PRKN: variants seen among roughly 807,000 people sequenced by gnomAD.
The protein encoded by PRKN is parkin RBR E3 ubiquitin protein ligase, also known as E3 ubiquitin-protein ligase parkin.
A neutral mutation model predicts 59.5 loss-of-function variants in PRKN; 56 were observed. That is an observed-to-expected ratio of 0.94 (90% CI 0.76 to 1.18). The LOEUF (loss-of-function observed/expected upper bound fraction) is 1.18. Among genes scored for constraint, PRKN ranks in the 50% most tolerant of loss-of-function variants. The pLI is 0.00. For synonymous variants in PRKN, 250 were observed against 222.1 expected (o/e 1.13, Z -1.12); for missense variants, 657 against 596.4 (o/e 1.10, Z -1.06).
At chr6:161,723,071 C>T (rs1370433908) in intron 7 of PRKN, among the ~76,000 whole-genome samples, 2 of 152,134 alleles carry the variant, frequency 1.3e-5, no homozygotes, top group Non-Finnish European at 2.9e-5. Flanking sequence ...GAGTTCGAGA[C>T]CAGCTTGACC....
At chr6:161,634,055 A>G (rs1783421498) in intron 7 of PRKN, among the ~76,000 whole-genome samples, 1 of 148,222 alleles carries the variant, frequency 6.7e-6, no homozygotes, top group South Asian at 2.2e-4. Context: ...ACCCCCTAAA[A>G]CCCAAGCAAC....
At chr6:161,634,163 C>T (rs1308211923) in intron 7 of PRKN, among the ~76,000 whole-genome samples, 1 of 152,128 alleles carries the variant, frequency 6.6e-6, no homozygotes, top group East Asian at 1.9e-4. Flanking sequence ...ATGCCTGTGG[C>T]AAGGCAGTGT....
chr6:162,307,019 T>A (rs1782260580), intron 2 of PRKN, among the ~76,000 whole-genome samples: 1 of 152,170 alleles, frequency 6.6e-6, no homozygotes, highest in African/African-American at 2.4e-5. Context: ...TAAAACTATC[T>A]ATCTGTGGGC....
At chr6:162,112,715 G>A (rs1780494352) in intron 4 of PRKN, among the ~76,000 whole-genome samples, 1 of 151,844 alleles carries the variant, frequency 6.6e-6, no homozygotes, top group Non-Finnish European at 1.5e-5. Context: ...AAGACAGGAG[G>A]ATCACTTGAG....
At chr6:161,520,681 T>G (rs1313035553) in intron 9 of PRKN, among the ~76,000 whole-genome samples, 1 of 152,206 alleles carries the variant, frequency 6.6e-6, no homozygotes, top group Non-Finnish European at 1.5e-5. Flanking sequence ...AATTGGTGAC[T>G]TGAATAACAT....
chr6:161,695,549 C>T (rs1010340725), intron 7 of PRKN, among the ~76,000 whole-genome samples: 3 of 152,160 alleles, frequency 2.0e-5, no homozygotes, highest in African/African-American at 7.2e-5. Context: ...TACCTGGTAA[C>T]CTCACTCAAA....
chr6:161,957,719 A>G (rs1246970264), intron 6 of PRKN, among the ~76,000 whole-genome samples: 2 of 152,138 alleles, frequency 1.3e-5, no homozygotes, highest in Non-Finnish European at 2.9e-5. Context: ...CACCGCGCCC[A>G]GCCCATGTCT....
At position 162,262,586 on chromosome 6, in the gene PRKN, C is replaced by G. The variant is rs1320506203; in HGVS notation, c.351G>C (p.Val117=). The G allele has an allele frequency of 6.2e-7, 1 of 1,613,144 alleles. No individual in the cohort carries two copies. The highest frequency in any genetic ancestry group is 8.5e-7 in the Non-Finnish European group (1 of 1,179,196). The change falls in exon 3 of 12, where the codon GTG becomes GTC. Residue 117 remains valine (V), a synonymous_variant. Transcript: ENST00000366898. ...LSSSVLPGDS[V]GLAVILHTDS... ...CAGTGTGCAGAATGACAGCCAGCCC[C>G]ACAGAGTCTCCTGGGAGGACTGAGC...
intron 4 of PRKN, among the ~76,000 whole-genome samples, chr6:162,199,152 A>C (rs1784617974): frequency 6.6e-6 from 1 of 151,826 alleles, no homozygotes; most frequent in Non-Finnish European, 1.5e-5. Flanking sequence ...CTAACTTCTC[A>C]TCACCTGAGT....
intron 1 of PRKN, among the ~76,000 whole-genome samples, chr6:162,514,807 C>A (rs1400838202): frequency 6.6e-6 from 1 of 151,980 alleles, no homozygotes; most frequent in Non-Finnish European, 1.5e-5. Context: ...TGACTAAAAC[C>A]ATCAAAAATG....
intron 1 of PRKN, among the ~76,000 whole-genome samples, chr6:162,699,645 A>C (rs553282333): frequency 1.5e-4 from 23 of 152,330 alleles, no homozygotes; most frequent in African/African-American, 5.5e-4. Context: ...CAATATTTTA[A>C]GTCTCAATGA....
At chr6:161,682,357 A>C (rs893980424) in intron 7 of PRKN, among the ~76,000 whole-genome samples, 4 of 152,258 alleles carry the variant, frequency 2.6e-5, no homozygotes. Context: ...GCCAAGAGTC[A>C]GATTTAATTT....
At chr6:161,658,722 C>T (rs763204231) in intron 7 of PRKN, among the ~76,000 whole-genome samples, 1 of 152,094 alleles carries the variant, frequency 6.6e-6, no homozygotes, top group Non-Finnish European at 1.5e-5. Flanking sequence ...TAAAAAAATT[C>T]ACTGAGGAAG....
intron 10 of PRKN, among the ~76,000 whole-genome samples, chr6:161,367,468 T>C (rs1210729467): frequency 6.8e-6 from 1 of 147,550 alleles, no homozygotes; most frequent in African/African-American, 2.6e-5. Flanking sequence ...GATGTGTCTT[T>C]TCTTTTTTTT....
chr6:161,423,300 A>G lies in PRKN; in HGVS notation c.1084-36423T>C, dbSNP rs1788186834. ...GTTGTCATGCTCTCTCTGCTTTCTA[A>G]TGTACATAGAGGTGTCTACATGCAA... On this transcript the variant is annotated intron_variant, in intron 9 of 11. Coordinates refer to ENST00000366898, the MANE Select transcript of PRKN (RefSeq NM_004562.3). The surrounding 1 kb of genome is among the most constrained non-coding windows in gnomAD (Gnocchi z 5.9). Among the ~76,000 whole-genome samples the G allele has an allele frequency of 6.6e-6, 1 of 152,168 alleles. No individual in the cohort carries two copies. The highest frequency in any genetic ancestry group is 1.5e-5 in the Non-Finnish European group (1 of 68,026).
At chr6:161,828,679 G>A (rs1792347232) in intron 6 of PRKN, among the ~76,000 whole-genome samples, 1 of 152,184 alleles carries the variant, frequency 6.6e-6, no homozygotes, top group African/African-American at 2.4e-5. Flanking sequence ...AGCACTCTGG[G>A]AGGCTGAGGT....
At chr6:161,603,939 G>A (rs544279095) in intron 7 of PRKN, among the ~76,000 whole-genome samples, 7 of 152,312 alleles carry the variant, frequency 4.6e-5, no homozygotes, top group East Asian at 3.9e-4. Flanking sequence ...ATTAGTACCC[G>A]TATAAAACAG....
At chr6:162,169,832 C>T (rs1333710720) in intron 4 of PRKN, among the ~76,000 whole-genome samples, 1 of 152,148 alleles carries the variant, frequency 6.6e-6, no homozygotes, top group Non-Finnish European at 1.5e-5. Flanking sequence ...TAAAAGGTTT[C>T]AGGAGCTTCT....
chr6:161,927,756 C>T (rs1440636500), intron 6 of PRKN, among the ~76,000 whole-genome samples: 1 of 148,140 alleles, frequency 6.8e-6, no homozygotes, highest in Non-Finnish European at 1.5e-5. Flanking sequence ...GCCTGGGCAA[C>T]AAAGTGAAAC....
Sources: allele counts gnomAD v4.1 joint callset (sites outside exome capture counted in the v4.1 genomes callset), GRCh38; gene constraint gnomAD v4.1.1; non-coding constraint Gnocchi (gnomAD v3.1); transcripts MANE v1.5; gene names NCBI Gene and HGNC (gene_info 2026-07-23, HGNC 2026-07-21).